CDH13: variants seen among roughly 807,000 people sequenced by gnomAD.
CDH13 encodes the protein cadherin-13.
In CDH13, 24 loss-of-function variants were observed where a neutral mutation model predicts 63.8. The ratio of observed to expected loss-of-function variants is 0.38; its 90% confidence interval spans 0.27 to 0.53. The LOEUF is 0.53. Among genes scored for constraint, CDH13 ranks in the 20% least tolerant of loss-of-function variants. The pLI, the probability that CDH13 is intolerant of heterozygous loss-of-function variation, is 0.85. For missense variants in CDH13, 1,049 were observed against 903.1 expected (o/e 1.16, Z -2.07); for synonymous variants, 503 against 355.3 (o/e 1.42, Z -4.67).
intron 10 of CDH13, among the ~76,000 whole-genome samples, chr16:83,742,425 T>C (rs895873373): frequency 2.0e-5 from 3 of 152,116 alleles, no homozygotes; most frequent in African/African-American, 7.2e-5. Flanking sequence ...AGCTTTTAAT[T>C]TGATTTTTTT....
chr16:83,038,672 A>G (rs1188797025), intron 3 of CDH13, among the ~76,000 whole-genome samples: 1 of 152,334 alleles, frequency 6.6e-6, no homozygotes, highest in East Asian at 1.9e-4. Context: ...GTGTGCACAC[A>G]TGCGTGTTCG....
At chr16:83,536,407 G>A (rs1440319241) in intron 7 of CDH13, among the ~76,000 whole-genome samples, 7 of 152,104 alleles carry the variant, frequency 4.6e-5, no homozygotes, top group African/African-American at 1.4e-4. Context: ...GAATCAAGAG[G>A]ATGAGGTGGT....
intron 3 of CDH13, among the ~76,000 whole-genome samples, chr16:83,110,296 A>C (rs1322623344): frequency 1.3e-5 from 2 of 152,222 alleles, no homozygotes; most frequent in African/African-American, 2.4e-5. Context: ...TTTAATTGGC[A>C]TGTCTGTCTT....
At chr16:82,953,322 CA>C (rs1372236206) in intron 2 of CDH13, 2 of 152,122 alleles carry the variant, frequency 1.3e-5, no homozygotes, top group Admixed American at 6.5e-5. Flanking sequence ...ATTTTTATAG[CA>C]AAAACAGATA....
chr16:83,790,122 A>C (rs1916163441), intron 13 of CDH13: 1 of 152,172 alleles, frequency 6.6e-6, no homozygotes, highest in Admixed American at 6.5e-5. Flanking sequence ...CAGTTGTCCC[A>C]TTTTCTAGAT....
At chr16:83,481,288 T>A (rs928522933) in intron 6 of CDH13, among the ~76,000 whole-genome samples, 3 of 152,210 alleles carry the variant, frequency 2.0e-5, no homozygotes, top group African/African-American at 7.2e-5. Flanking sequence ...TTGTAAAAAA[T>A]GAGCCTGACA....
chr16:83,669,661 G>T (rs1914329194), intron 8 of CDH13, among the ~76,000 whole-genome samples: 1 of 152,162 alleles, frequency 6.6e-6, no homozygotes, highest in Admixed American at 6.6e-5. Context: ...CCCCTGAGAG[G>T]CCTCAGGATT....
rs1261806168 is a variant in CDH13 at position 83,045,616 on chromosome 16, G to A, written c.366+13398G>A. ...CACGCCACTGCAGTGTAGTCTGGGC[G>A]ACAGATCAAGATTCCTTTAAAAAAA... On this transcript the variant is annotated intron_variant, in intron 3 of 13. Transcript: ENST00000567109. Among the ~76,000 whole-genome samples, 10 of 130,288 alleles carry A rather than the reference G, an allele frequency of 7.7e-5. No individual in the cohort carries two copies. In the South Asian group the frequency reaches 1.0e-3, roughly 14 times the overall value. 85.5% of individuals were successfully genotyped at this position (130,288 alleles called of 152,430 possible). A position where few individuals can be genotyped will look rare whatever the true frequency, so the allele number is the denominator to read the frequency against.
intron 6 of CDH13, among the ~76,000 whole-genome samples, chr16:83,352,356 A>G (rs1335874042): frequency 6.6e-6 from 1 of 152,240 alleles, no homozygotes; most frequent in African/African-American, 2.4e-5. Flanking sequence ...GAATGCTTAT[A>G]CATTGTTAGT....
At chr16:83,632,286 TTA>T (rs1567469329) in intron 8 of CDH13, among the ~76,000 whole-genome samples, 6 of 151,970 alleles carry the variant, frequency 3.9e-5, no homozygotes, top group South Asian at 2.1e-4. Context: ...TACAGTGAAA[TTA>T]GAGATGACTC....
intron 6 of CDH13, among the ~76,000 whole-genome samples, chr16:83,445,269 GCTTTTATAA>G (rs1331542477): frequency 3.6e-5 from 5 of 138,852 alleles, no homozygotes; most frequent in African/African-American, 1.3e-4. Flanking sequence ...ATTTATAAAA[GCTTTTATAA>G]TTTATAAAAG....
At chr16:82,757,799 G>A (rs1170828821) in intron 1 of CDH13, among the ~76,000 whole-genome samples, 1 of 151,942 alleles carries the variant, frequency 6.6e-6, no homozygotes, top group Non-Finnish European at 1.5e-5. Flanking sequence ...GTGCCACCAC[G>A]CCCAGCTAGG....
At chr16:83,305,751 A>C (rs1369010189) in intron 5 of CDH13, among the ~76,000 whole-genome samples, 1 of 152,156 alleles carries the variant, frequency 6.6e-6, no homozygotes, top group Non-Finnish European at 1.5e-5. Flanking sequence ...CAATGGGATT[A>C]ATACTACTTA....
intron 6 of CDH13, among the ~76,000 whole-genome samples, chr16:83,370,724 T>A (rs1257895231): frequency 6.6e-6 from 1 of 152,234 alleles, no homozygotes; most frequent in Non-Finnish European, 1.5e-5. Flanking sequence ...CATGTGGCAA[T>A]TGGTTTTCCA....
chr16:83,337,812 A>G (rs1301505871), intron 5 of CDH13, among the ~76,000 whole-genome samples: 1 of 151,924 alleles, frequency 6.6e-6, no homozygotes, highest in African/African-American at 2.4e-5. Context: ...AAAAATATAT[A>G]AGAAACTCAT....
chr16:83,192,622 A>G (rs968521705), intron 4 of CDH13, among the ~76,000 whole-genome samples: 6 of 152,132 alleles, frequency 3.9e-5, no homozygotes, highest in African/African-American at 1.2e-4. Flanking sequence ...ATGAAAGTAG[A>G]TTTGGCTTCT....
At chr16:83,511,903 A>G (rs2074574854) in intron 7 of CDH13, among the ~76,000 whole-genome samples, 1 of 152,142 alleles carries the variant, frequency 6.6e-6, no homozygotes, top group Non-Finnish European at 1.5e-5. Context: ...TTAACCTCTC[A>G]TACCCTCGAA....
In CDH13 at chr16:83,075,488, C is replaced by G. The variant is rs145032529; in HGVS notation, c.366+43270C>G. Among the ~76,000 whole-genome samples the G allele has an allele frequency of 3.0e-3, 450 of 152,276 alleles. 1 individual carries two copies. The highest frequency in any genetic ancestry group is 4.9e-3 in the Non-Finnish European group (336 of 68,014). On this transcript the variant is annotated intron_variant, in intron 3 of 13. Transcript: ENST00000567109. ...TGACCTAGAATGGCCTAGGCAGAGT[C>G]TGATAAGATTGTTGTGGATGCAAAG...
At chr16:82,658,020 A>G (rs1052121743) in intron 1 of CDH13, among the ~76,000 whole-genome samples, 6 of 152,218 alleles carry the variant, frequency 3.9e-5, no homozygotes, top group Non-Finnish European at 8.8e-5. Context: ...CTAGTTTCCT[A>G]CCATGAAGTG....
Sources: allele counts gnomAD v4.1 joint callset (sites outside exome capture counted in the v4.1 genomes callset), GRCh38; gene constraint gnomAD v4.1.1; transcripts MANE v1.5; gene names NCBI Gene and HGNC (gene_info 2026-07-23, HGNC 2026-07-21).